Variants in EHBP1L1 observed in about 807,000 individuals in gnomAD.
EHBP1L1 encodes EH domain-binding protein 1-like protein 1.
Under a neutral mutation model 151.1 loss-of-function variants are expected in EHBP1L1, and 122 were observed. The observed-to-expected ratio is 0.81, with a 90% CI of 0.70 to 0.94. EHBP1L1 has a LOEUF of 0.94. Among genes scored for constraint, EHBP1L1 ranks in the 40% least tolerant of loss-of-function variants. The probability of loss-of-function intolerance (pLI) is 0.00; values close to 1 mark genes in which losing one functional copy is unlikely to be tolerated. For missense variants in EHBP1L1, 1,941 were observed against 1,959.8 expected (o/e 0.99, Z 0.18); for synonymous variants, 878 against 810.1 (o/e 1.08, Z -1.42).
At chr11:65,580,631 C>G (rs1190433194) in intron 6 of EHBP1L1, among the ~76,000 whole-genome samples, 152 bp downstream of exon 6, 1 of 152,206 alleles carries the variant, frequency 6.6e-6, no homozygotes, top group Non-Finnish European at 1.5e-5. Flanking sequence ...ATTGTCCCAA[C>G]CTGGCTGCTG....
Position 65,590,607 on chromosome 11 carries a change from CG to C in EHBP1L1, c.4283+18del. ...CTGCAGCTGCTGTGAGTGCTGGCCC[CG>C]GGCCAGGAGAGCAGAGGGACTCTTA... On this transcript the variant is annotated intron_variant, in intron 16 of 18. Coordinates refer to ENST00000309295, the MANE Select transcript of EHBP1L1 (RefSeq NM_001099409.3). 6.2e-7 allele frequency: 1 copy of C among 1,611,080 alleles called. No homozygotes were observed. The highest frequency in any genetic ancestry group is 8.5e-7 in the Non-Finnish European group (1 of 1,178,442).
At chr11:65,587,371 CAAAAA>C (rs113665152) in intron 12 of EHBP1L1, among the ~76,000 whole-genome samples, 2,620 of 99,436 alleles carry the variant, frequency 0.026, 72 homozygotes, top group African/African-American at 0.083. Context: ...GACTCCGTCT[CAAAAA>C]AAAAAAAAAA....
chr11:65,579,519 G>A (rs1857489090), intron 3 of EHBP1L1, 83 bp downstream of exon 3: 3 of 1,190,486 alleles, frequency 2.5e-6, no homozygotes, highest in African/African-American at 1.6e-5. Flanking sequence ...CTGGTAGGTT[G>A]TTCATCCAGA....
chr11:65,576,486 C>A (rs988844165), intron 1 of EHBP1L1, 80 bp downstream of exon 1: 61 of 1,308,786 alleles, frequency 4.7e-5, no homozygotes, highest in Non-Finnish European at 6.0e-5. Flanking sequence ...AGGACTCTGC[C>A]CCCCCAGCCC....
rs1467182783 is a variant in EHBP1L1, at chr11:65,581,510, C to T, written c.867-29C>T. The T allele has an allele frequency of 4.1e-6, 6 of 1,451,588 alleles. No homozygotes were observed. In the South Asian group the frequency reaches 8.7e-5, roughly 21 times the overall value. 89.9% of individuals were successfully genotyped at this position (1,451,588 alleles called of 1,614,324 possible). On this transcript the variant is annotated intron_variant, in intron 8 of 18. Transcript: ENST00000309295. ...CTGAGAGTTGGGGCCAAAGCAGCCC[C>T]CCAACTCCCCCTCCTGCTCTCTTCT...
chr11:65,592,144 C>G (rs1858358733), intron 18 of EHBP1L1, 54 bp downstream of exon 18: 10 of 1,609,758 alleles, frequency 6.2e-6, no homozygotes, highest in Non-Finnish European at 8.5e-7. Flanking sequence ...CTTGCTCCCG[C>G]AGAGGGCTGC....
chr11:65,585,201 G>A lies in EHBP1L1; in HGVS notation c.3543G>A (p.Arg1181=), dbSNP rs1379323849. 1.7e-6 allele frequency: 2 copies of A among 1,192,862 alleles called. No individual in the cohort carries two copies. The highest frequency in any genetic ancestry group is 4.4e-5 in the East Asian group (1 of 22,806). The allele number at this position is 1,192,862 out of a possible 1,614,324, so 73.9% of individuals were successfully genotyped here. The change falls in exon 12 of 19, where the codon CGG becomes CGA. Residue 1181 remains arginine (R), a synonymous_variant. Transcript: ENST00000309295. This position sits in a 1 kb window ranked among gnomAD's most constrained non-coding sequence, Gnocchi z 4.0. ...TGGACGCCGGAGGCCTGGCGCAGCG[G>A]CTGCGCGGTCACGGGGCCGAGGGGC... The part of the protein sequence containing the change: ...DDLDAGGLAQ[R]LRGHGAEGPQ...
At position 65,581,069 on chromosome 11, in the gene EHBP1L1, G is replaced by A. The variant is rs1275382028; in HGVS notation, c.646G>A (p.Glu216Lys). 3 of 1,610,832 alleles carry A rather than the reference G, an allele frequency of 1.9e-6. No homozygotes were observed. Among genetic ancestry groups the A allele is most frequent in the Non-Finnish European group, 2.5e-6 (3 of 1,178,774 alleles). Residue 216 changes from glutamate to lysine, a missense_variant, in exon 7 of 19, where the codon GAG (glutamate) becomes AAG (lysine). Physicochemically the swap from Glu to Lys is moderately conservative, Grantham distance 56. Transcript: ENST00000309295. ...ARVPQPDPSR[E>K]LKTLCEEEEE... ...CCTACCATTCCCAGATCCCTCTCGA[G>A]AGCTGAAGACGCTTTGTGAGGAGGA...
Position 65,585,315 on chromosome 11 carries a change from G to C in EHBP1L1, c.3657G>C (p.Lys1219Asn), listed in dbSNP as rs1857904230. The change falls in exon 12 of 19, where the codon AAG (lysine) becomes AAC (asparagine). Residue 1219 changes from lysine (K) to asparagine (N), a missense_variant. Transcript: ENST00000309295. The surrounding 1 kb of genome is among the most constrained non-coding windows in gnomAD (Gnocchi z 4.0). ...ACGCGGTCGCGGGCCGCGCCTCCAA[G>C]GACGGCGGGGCCGAGGCCCCCCGAG... ...SRNAVAGRASKDGGAEAPRES... is the reference protein window; with the variant it reads ...SRNAVAGRASNDGGAEAPRES... The C allele has an allele frequency of 2.8e-6, 3 of 1,065,370 alleles. No homozygotes were observed. In the South Asian group the frequency reaches 1.3e-4, roughly 46 times the overall value. 66.0% of individuals were successfully genotyped at this position (1,065,370 alleles called of 1,614,324 possible). A position where few individuals can be genotyped will look rare whatever the true frequency, so the allele number is the denominator to read the frequency against.
chr11:65,585,860 G>A lies in EHBP1L1; in HGVS notation c.3933+269G>A, dbSNP rs944739855. On this transcript the variant is annotated intron_variant, in intron 12 of 18. Coordinates refer to ENST00000309295, the MANE Select transcript of EHBP1L1 (RefSeq NM_001099409.3). This position sits in a 1 kb window ranked among gnomAD's most constrained non-coding sequence, Gnocchi z 4.0. ...CACCAGGCAGGGTCCCCAGCTTTGC[G>A]GCCAGCCTGGGATAAGTGCTGAGGG... Among the ~76,000 whole-genome samples, 20 of 152,212 alleles carry A rather than the reference G, an allele frequency of 1.3e-4. No homozygotes were observed. Among genetic ancestry groups the A allele is most frequent in the African/African-American group, 4.8e-4 (20 of 41,456 alleles).
chr11:65,582,120 C>G lies in EHBP1L1; in HGVS notation c.1448C>G (p.Ala483Gly). The G allele has an allele frequency of 6.3e-7, 1 of 1,597,948 alleles. No homozygotes were observed. The highest frequency in any genetic ancestry group is 1.1e-5 in the South Asian group (1 of 89,568). The change falls in exon 9 of 19, where the codon GCG becomes GGG. Residue 483 changes from alanine (A) to glycine (G), a missense_variant. Physicochemically the swap from Ala to Gly is moderately conservative, Grantham distance 60. Coordinates refer to ENST00000309295, the MANE Select transcript of EHBP1L1 (RefSeq NM_001099409.3). ...CCCTCAGGCCTGAGCCTGCCCCCAGCGGAGCCTGCAGGGCACTCTGGGCAA... is the reference window on the plus strand; with the variant it reads ...CCCTCAGGCCTGAGCCTGCCCCCAGGGGAGCCTGCAGGGCACTCTGGGCAA... ...EAPSGLSLPP[A>G]EPAGHSGQLG...
Position 65,582,251 on chromosome 11 carries a change from C to A in EHBP1L1, c.1579C>A (p.Pro527Thr). 1 of 1,526,636 alleles carries A rather than the reference C, an allele frequency of 6.6e-7. No individual in the cohort carries two copies. The highest frequency in any genetic ancestry group is 8.8e-7 in the Non-Finnish European group (1 of 1,142,096). The allele number at this position is 1,526,636 out of a possible 1,614,324, so 94.6% of individuals were successfully genotyped here. A position where few individuals can be genotyped will look rare whatever the true frequency, so the allele number is the denominator to read the frequency against. The change falls in exon 9 of 19, where the codon CCT (proline) becomes ACT (threonine). Residue 527 changes from proline to threonine, a missense_variant. Pro to Thr is a conservative substitution (Grantham distance 38). Coordinates refer to ENST00000309295, the MANE Select transcript of EHBP1L1 (RefSeq NM_001099409.3). ...TGAGGGGACAGGCCTGGAGCAGGGC[C>A]CTTCTGTTGGAGCAATAAGCACCAG... ...GIEGTGLEQG[P>T]SVGAISTRPQ...
At chr11:65,589,688 C>G in intron 12 of EHBP1L1, 63 bp from the exon 13 acceptor site, 1 of 1,470,270 alleles carries the variant, frequency 6.8e-7, no homozygotes, top group South Asian at 1.4e-5. Flanking sequence ...GTGGCTCTGG[C>G]TGGCCCCAGG....
At chr11:65,589,868 C>A in intron 13 of EHBP1L1, 48 bp downstream of exon 13, 1 of 1,542,118 alleles carries the variant, frequency 6.5e-7, no homozygotes. Context: ...GCTCACAAAG[C>A]CTGGACTGGG....
In EHBP1L1 at chr11:65,592,198, C is replaced by T; in HGVS notation, c.4473-5C>T. The stretch of plus-strand genomic sequence containing the variant: ...GGAGCGCTGACTCGAACCCGTTCTC[C>T]CCAGCGCCCTGGAGGAGGACGAGCG... On this transcript the variant is annotated splice_region_variant and splice_polypyrimidine_tract_variant and intron_variant, in intron 18 of 18. Transcript: ENST00000309295. The T allele has an allele frequency of 6.4e-7, 1 of 1,570,842 alleles. No homozygotes were observed. Among genetic ancestry groups the T allele is most frequent in the South Asian group, 1.1e-5 (1 of 87,894 alleles).
Position 65,583,688 on chromosome 11 carries a change from A to G in EHBP1L1, c.3016A>G (p.Ser1006Gly), listed in dbSNP as rs200369244. 3.2e-4 allele frequency: 502 copies of G among 1,577,296 alleles called. No individual in the cohort carries two copies. The highest frequency in any genetic ancestry group is 1.2e-3 in the Admixed American group (62 of 53,688). Residue 1006 changes from serine (S) to glycine (G), a missense_variant, in exon 9 of 19, where the codon AGT becomes GGT. By Grantham distance (56) the Ser-to-Gly change is moderately conservative. Transcript: ENST00000309295. ...CAGCCTGCCTGAAGCACAGGTGGCC[A>G]GTGGGGCAGGGGCTGGGGCGCCCAG... ...EASLPEAQVA[S>G]GAGAGAPRAS...
intron 1 of EHBP1L1, chr11:65,578,208 C>G (rs1413868829): frequency 6.6e-6 from 1 of 152,446 alleles, no homozygotes; most frequent in Non-Finnish European, 1.5e-5. Context: ...GCCCTCCAGG[C>G]TCCACTGTCA....
At position 65,582,938 on chromosome 11, in the gene EHBP1L1, G is replaced by A. The variant is rs1157841107; in HGVS notation, c.2266G>A (p.Val756Met). ...SDILVAQEIE[V>M]GLLGVLGIET... ...CATATTGGTAGCCCAGGAGATAGAG[G>A]TGGGACTTTTGGGGGTTCTGGGAAT... The change falls in exon 9 of 19, where the codon GTG (valine) becomes ATG (methionine). Residue 756 changes from valine to methionine, a missense_variant. Val to Met is a conservative substitution (Grantham distance 21). Coordinates refer to ENST00000309295, the MANE Select transcript of EHBP1L1 (RefSeq NM_001099409.3). 1.2e-6 allele frequency: 2 copies of A among 1,613,322 alleles called. No individual in the cohort carries two copies. Among genetic ancestry groups the A allele is most frequent in the Admixed American group, 1.7e-5 (1 of 59,968 alleles).
chr11:65,579,351 G>A lies in EHBP1L1; in HGVS notation c.173G>A (p.Trp58Ter). 6.4e-7 allele frequency: 1 copy of A among 1,562,112 alleles called. No homozygotes were observed. Among genetic ancestry groups the A allele is most frequent in the Non-Finnish European group, 8.7e-7 (1 of 1,152,776 alleles). The change falls in exon 3 of 19, where the codon TGG becomes TAG. Residue 58 changes from tryptophan to a stop codon, truncating the protein, a stop_gained. Coordinates refer to ENST00000309295, the MANE Select transcript of EHBP1L1 (RefSeq NM_001099409.3). LOFTEE classifies it high-confidence loss of function. ...NRRICSKAHS[W>*]QPGIQNPYRG... The stretch of plus-strand genomic sequence containing the variant: ...GATTGTCCCTTGTAGGCCCACAGCT[G>A]GCAGCCGGGCATCCAGAACCCATAC...
Sources: gnomAD v4.1 joint callset for allele counts (sites outside exome capture counted in the v4.1 genomes callset) on GRCh38, gnomAD v4.1.1 for gene constraint, Gnocchi (gnomAD v3.1) non-coding constraint, MANE v1.5 for transcripts, NCBI Gene and HGNC (gene_info 2026-07-23, HGNC 2026-07-21) for gene names.